The following SSH2 variants were observed in gnomAD, a reference collection of about 807,000 sequenced individuals.
The protein encoded by SSH2 is slingshot protein phosphatase 2.
SSH2 carries 37 observed loss-of-function variants against 135.2 expected under a neutral mutation model. The observed-to-expected ratio is 0.27, with a 90% CI of 0.21 to 0.36. The LOEUF is 0.36. Among genes scored for constraint, SSH2 ranks in the 10% least tolerant of loss-of-function variants. The pLI, the probability that SSH2 is intolerant of heterozygous loss-of-function variation, is 1.00. For missense variants in SSH2, 1,408 were observed against 1,765.3 expected, an observed-to-expected ratio of 0.80 and a Z score of 3.63; for synonymous variants, 628 against 646.2, an observed-to-expected ratio of 0.97 and a Z score of 0.43.
intron 2 of SSH2, among the ~76,000 whole-genome samples, chr17:29,796,638 G>A (rs1295920058): frequency 6.6e-6 from 1 of 152,162 alleles, no homozygotes; most frequent in African/African-American, 2.4e-5. Flanking sequence ...ACCATGCCTA[G>A]CCAATATTTT....
rs1317824091 is a variant in SSH2, at chr17:29,677,657, A to G, written c.548+16T>C. The stretch of plus-strand genomic sequence containing the variant: ...CCTTGGCTTTCTGTAACAGAATAAA[A>G]AAGGAAATCTCTTACCCATCACCAT... On this transcript the variant is annotated intron_variant, in intron 7 of 15. Coordinates refer to ENST00000540801, the MANE Select transcript of SSH2 (RefSeq NM_001282129.2). The G allele has an allele frequency of 8.7e-6, 14 of 1,611,186 alleles. No individual in the cohort carries two copies. Among genetic ancestry groups the G allele is most frequent in the Middle Eastern group, 1.6e-4 (1 of 6,080 alleles).
intron 12 of SSH2, among the ~76,000 whole-genome samples, chr17:29,652,871 T>C (rs1483243639): frequency 2.0e-5 from 3 of 152,182 alleles, no homozygotes; most frequent in Admixed American, 2.0e-4. Flanking sequence ...TTGGCCAGGC[T>C]GGTCTCAAAC....
intron 3 of SSH2, among the ~76,000 whole-genome samples, chr17:29,718,151 T>G (rs2039690936): frequency 2.0e-5 from 3 of 152,238 alleles, no homozygotes. Context: ...CCTGACCATT[T>G]GATATGGTTA....
intron 3 of SSH2, among the ~76,000 whole-genome samples, chr17:29,705,523 A>G (rs2039164136): frequency 6.6e-6 from 1 of 152,128 alleles, no homozygotes; most frequent in African/African-American, 2.4e-5. Flanking sequence ...CTATCTACTC[A>G]CCAAATAGCA....
intron 1 of SSH2, among the ~76,000 whole-genome samples, chr17:29,923,486 G>A (rs2067011168): frequency 6.6e-6 from 1 of 151,850 alleles, no homozygotes; most frequent in Non-Finnish European, 1.5e-5. Flanking sequence ...GGGCATGGTG[G>A]TGCATATCTA....
At chr17:29,821,371 C>T (rs543535341) in intron 2 of SSH2, among the ~76,000 whole-genome samples, 2 of 151,874 alleles carry the variant, frequency 1.3e-5, no homozygotes, top group Non-Finnish European at 2.9e-5. Context: ...CCTGCCTCTG[C>T]CTCCCAAGTA....
intron 9 of SSH2, among the ~76,000 whole-genome samples, chr17:29,668,532 A>G: frequency 6.6e-6 from 1 of 151,934 alleles, no homozygotes; most frequent in Non-Finnish European, 1.5e-5. Context: ...AGAGTTTGAG[A>G]CTAGCCCAGG....
At chr17:29,720,818 G>A (rs1313511884) in intron 3 of SSH2, among the ~76,000 whole-genome samples, 3 of 152,088 alleles carry the variant, frequency 2.0e-5, no homozygotes, top group Non-Finnish European at 4.4e-5. Flanking sequence ...ACAATTTAAG[G>A]ACCTGTCAAA....
intron 3 of SSH2, among the ~76,000 whole-genome samples, chr17:29,709,796 G>C (rs1465849356): frequency 6.6e-6 from 1 of 152,190 alleles, no homozygotes; most frequent in Non-Finnish European, 1.5e-5. Flanking sequence ...ACTACACTGA[G>C]GGGAATAAAG....
At chr17:29,725,634 A>G (rs972692830) in intron 3 of SSH2, among the ~76,000 whole-genome samples, 1 of 152,224 alleles carries the variant, frequency 6.6e-6, no homozygotes, top group Non-Finnish European at 1.5e-5. Flanking sequence ...CATTCTCAAC[A>G]AACTAACACA....
chr17:29,778,973 T>C (rs568390622), intron 3 of SSH2, among the ~76,000 whole-genome samples: 1 of 152,204 alleles, frequency 6.6e-6, no homozygotes, highest in Admixed American at 6.5e-5. Flanking sequence ...AAAAGTCAAT[T>C]TGGCAAAATT....
intron 3 of SSH2, among the ~76,000 whole-genome samples, chr17:29,780,937 G>A (rs1049857962): frequency 6.6e-6 from 1 of 151,260 alleles, no homozygotes; most frequent in Admixed American, 6.6e-5. Context: ...TCAGCCTCCC[G>A]AGTAGCTAGG....
intron 2 of SSH2, 107 bp downstream of exon 2, chr17:29,848,742 A>G: frequency 1.5e-6 from 1 of 686,024 alleles, no homozygotes; most frequent in South Asian, 2.0e-5. Flanking sequence ...ATGGGGTCAA[A>G]TAGATAAAAT....
At chr17:29,889,823 A>C (rs1239753676) in intron 1 of SSH2, among the ~76,000 whole-genome samples, 3 of 150,008 alleles carry the variant, frequency 2.0e-5, no homozygotes, top group South Asian at 4.2e-4. Flanking sequence ...AAAAAAAAAA[A>C]AAAAACCAGC....
At chr17:29,641,702 C>A (rs947434146) in intron 14 of SSH2, 1 of 152,128 alleles carries the variant, frequency 6.6e-6, no homozygotes, top group Non-Finnish European at 1.5e-5. Flanking sequence ...CAAGTGAGCA[C>A]AAGAAGAAGG....
rs2040430202 is a variant in SSH2, at chr17:29,738,053, A to C, written c.189-34991T>G. Among the ~76,000 whole-genome samples the C allele has an allele frequency of 2.0e-5, 3 of 152,164 alleles. No individual in the cohort carries two copies. In the South Asian group the frequency reaches 6.2e-4, roughly 31 times the overall value. On this transcript the variant is annotated intron_variant, in intron 3 of 15. Transcript: ENST00000540801. ...TTAACTTGTCATTTACATTAGGTAT[A>C]TCTCCTAATGCTATCCCTCCACCCT...
chr17:29,672,490 T>C (rs2037534512), intron 8 of SSH2, among the ~76,000 whole-genome samples: 2 of 152,172 alleles, frequency 1.3e-5, no homozygotes, highest in Non-Finnish European at 2.9e-5. Context: ...TAATTTGCCA[T>C]ATAAAGATTT....
At chr17:29,685,508 A>G (rs890520563) in intron 5 of SSH2, among the ~76,000 whole-genome samples, 1 of 152,166 alleles carries the variant, frequency 6.6e-6, no homozygotes, top group African/African-American at 2.4e-5. Context: ...AGTAATGGCC[A>G]GGCACGGTGG....
chr17:29,838,443 C>T (rs989141568), intron 2 of SSH2, among the ~76,000 whole-genome samples: 1 of 152,220 alleles, frequency 6.6e-6, no homozygotes, highest in African/African-American at 2.4e-5. Flanking sequence ...CTGCAAGCCA[C>T]GAAGGACCTG....
Sources: gnomAD v4.1 joint callset for allele counts (sites outside exome capture counted in the v4.1 genomes callset) on GRCh38, gnomAD v4.1.1 for gene constraint, MANE v1.5 for transcripts, NCBI Gene and HGNC (gene_info 2026-07-23, HGNC 2026-07-21) for gene names.